DPP10: variants seen among roughly 807,000 people sequenced by gnomAD.
DPP10 encodes the protein inactive dipeptidyl peptidase 10.
Under a neutral mutation model 120.9 loss-of-function variants are expected in DPP10, and 33 were observed. The observed-to-expected ratio is 0.27, with a 90% CI of 0.21 to 0.37. The LOEUF is 0.37. DPP10 is among the 10% of genes least tolerant of loss of function. DPP10 has a pLI of 1.00. For synonymous variants in DPP10, 337 were observed against 326.1 expected (o/e 1.03, Z -0.36); for missense variants, 816 against 942.8 (o/e 0.87, Z 1.76).
intron 1 of DPP10, among the ~76,000 whole-genome samples, chr2:114,651,149 C>T (rs1185425368): frequency 6.6e-6 from 1 of 152,166 alleles, no homozygotes; most frequent in East Asian, 1.9e-4. Flanking sequence ...GCTTGTAGAG[C>T]AGCCCTCCCA....
At chr2:115,681,826 T>G (rs2090681594) in intron 5 of DPP10, among the ~76,000 whole-genome samples, 1 of 151,068 alleles carries the variant, frequency 6.6e-6, no homozygotes, top group Admixed American at 6.6e-5. Context: ...TCCTTCTTTC[T>G]TCCTCTTTCT....
chr2:114,747,306 CT>C (rs1227530772), intron 1 of DPP10, among the ~76,000 whole-genome samples: 1 of 152,098 alleles, frequency 6.6e-6, no homozygotes, highest in Admixed American at 6.6e-5. Context: ...GTCTGTCTTC[CT>C]TTTTATCAGT....
intron 1 of DPP10, among the ~76,000 whole-genome samples, chr2:114,842,656 C>A (rs1230360439): frequency 6.6e-6 from 1 of 152,042 alleles, no homozygotes; most frequent in Non-Finnish European, 1.5e-5. Context: ...TCCACCATTG[C>A]CAGTCTACAT....
chr2:114,960,003 A>G (rs1574576411), intron 1 of DPP10, among the ~76,000 whole-genome samples: 1 of 152,176 alleles, frequency 6.6e-6, no homozygotes, highest in Non-Finnish European at 1.5e-5. Flanking sequence ...TCATTCTTGC[A>G]TAACATACAT....
intron 1 of DPP10, among the ~76,000 whole-genome samples, chr2:114,925,792 C>T (rs1262153265): frequency 6.6e-6 from 1 of 152,112 alleles, no homozygotes; most frequent in Admixed American, 6.5e-5. Context: ...TACTAAATAT[C>T]TGTTTGGAAG....
intron 1 of DPP10, among the ~76,000 whole-genome samples, chr2:115,185,672 T>A (rs1270395220): frequency 2.0e-5 from 3 of 152,176 alleles, no homozygotes; most frequent in African/African-American, 7.2e-5. Flanking sequence ...ATTAAAATAA[T>A]CCAAGAGAAA....
intron 1 of DPP10, among the ~76,000 whole-genome samples, chr2:115,305,470 T>C (rs1171213729): frequency 4.6e-5 from 7 of 152,094 alleles, no homozygotes; most frequent in Admixed American, 3.3e-4. Context: ...TAGTGGCTTA[T>C]GGTTTTAATC....
At chr2:114,563,206 T>C (rs1013029722) in intron 1 of DPP10, among the ~76,000 whole-genome samples, 1 of 152,100 alleles carries the variant, frequency 6.6e-6, no homozygotes, top group African/African-American at 2.4e-5. Flanking sequence ...ACCCCATCTT[T>C]ACTAAAAACA....
chr2:115,836,138 A>G lies in DPP10; in HGVS notation c.1951-19A>G. On this transcript the variant is annotated intron_variant, in intron 21 of 25. Transcript: ENST00000410059. ...GTGTGAGATATATATATATATATAT[A>G]TATATTTTTCCCCCCCAGGGTTATG... 1.6e-6 allele frequency: 2 copies of G among 1,261,714 alleles called. No homozygotes were observed. Among genetic ancestry groups the G allele is most frequent in the Non-Finnish European group, 2.2e-6 (2 of 917,522 alleles). 78.2% of individuals were successfully genotyped at this position (1,261,714 alleles called of 1,614,324 possible). A position where few individuals can be genotyped will look rare whatever the true frequency, so the allele number is the denominator to read the frequency against.
intron 1 of DPP10, among the ~76,000 whole-genome samples, chr2:115,002,731 A>G (rs930356857): frequency 2.0e-5 from 3 of 152,194 alleles, no homozygotes; most frequent in Non-Finnish European, 4.4e-5. Flanking sequence ...AAAAGAAGAC[A>G]TTCATGTGGC....
At chr2:115,626,362 CAATT>C (rs147079921) in intron 5 of DPP10, among the ~76,000 whole-genome samples, 2,808 of 152,028 alleles carry the variant, frequency 0.018, 94 homozygotes, top group African/African-American at 0.064. Flanking sequence ...ATTAATTTGT[CAATT>C]AACGTACTAA....
chr2:115,289,416 A>T (rs767265680), intron 1 of DPP10, among the ~76,000 whole-genome samples: 1 of 150,030 alleles, frequency 6.7e-6, no homozygotes, highest in South Asian at 2.1e-4. Context: ...ATTCAGTGTG[A>T]TTCTTATCAA....
At position 114,933,652 on chromosome 2, in the gene DPP10, C is replaced by A. The variant is rs952580896; in HGVS notation, c.61-375587C>A. Among the ~76,000 whole-genome samples the A allele has an allele frequency of 7.9e-5, 12 of 152,188 alleles. No individual in the cohort carries two copies. The East Asian group carries it at 2.3e-3, about 29-fold the overall frequency. On this transcript the variant is annotated intron_variant, in intron 1 of 25. Transcript: ENST00000410059. Reference sequence around the variant, plus strand: ...TGTGAAGGCAGAAAAGCAACAGCAACAATAAAAAGTATCAAAGGGTGAGAG... The same window carrying A: ...TGTGAAGGCAGAAAAGCAACAGCAAAAATAAAAAGTATCAAAGGGTGAGAG...
intron 5 of DPP10, among the ~76,000 whole-genome samples, chr2:115,659,415 G>C (rs1324939030): frequency 1.3e-5 from 2 of 151,792 alleles, no homozygotes. Context: ...AAAAAAAAAA[G>C]TTTAGAATTG....
At chr2:115,481,482 G>A (rs1269808455) in intron 3 of DPP10, among the ~76,000 whole-genome samples, 1 of 152,112 alleles carries the variant, frequency 6.6e-6, no homozygotes, top group African/African-American at 2.4e-5. Flanking sequence ...GCTGGACTTG[G>A]AATCGTAATT....
At chr2:114,470,935 G>T (rs76016267) in intron 1 of DPP10, among the ~76,000 whole-genome samples, 1,595 of 152,286 alleles carry the variant, frequency 0.01, 15 homozygotes, top group Middle Eastern at 0.044. Context: ...GGTAGTGGTT[G>T]TAACAGTTTG....
intron 12 of DPP10, 144 bp from the exon 13 acceptor site, chr2:115,768,153 A>T: frequency 1.5e-6 from 1 of 649,148 alleles, no homozygotes; most frequent in Non-Finnish European, 2.5e-6. Context: ...AATAGCATAC[A>T]TTCATTTTTT....
chr2:115,052,815 G>A (rs866665957), intron 1 of DPP10, among the ~76,000 whole-genome samples: 14 of 152,040 alleles, frequency 9.2e-5, no homozygotes, highest in Admixed American at 5.2e-4. Flanking sequence ...AGCCGGACGC[G>A]GTGGCAGGCA....
intron 5 of DPP10, among the ~76,000 whole-genome samples, chr2:115,561,790 A>G (rs1273257040): frequency 1.3e-5 from 2 of 152,298 alleles, no homozygotes; most frequent in Middle Eastern, 3.4e-3. Context: ...ACAAGTTTAT[A>G]TGTAGATTTA....
Sources: gnomAD v4.1 joint callset for allele counts (sites outside exome capture counted in the v4.1 genomes callset) on GRCh38, gnomAD v4.1.1 for gene constraint, MANE v1.5 for transcripts, NCBI Gene and HGNC (gene_info 2026-07-23, HGNC 2026-07-21) for gene names.